Variants in DPP10 observed in about 807,000 individuals in gnomAD.
DPP10 encodes the protein dipeptidyl peptidase like 10, also known as inactive dipeptidyl peptidase 10.
Under a neutral mutation model 120.9 loss-of-function variants are expected in DPP10, and 33 were observed. The ratio of observed to expected loss-of-function variants is 0.27; its 90% CI spans 0.21 to 0.37. The LOEUF is 0.37. DPP10 is among the 10% of genes least tolerant of loss of function. The probability of loss-of-function intolerance (pLI) is 1.00; values close to 1 mark genes in which losing one functional copy is unlikely to be tolerated. For synonymous variants in DPP10, 337 were observed against 326.1 expected (o/e 1.03, Z -0.36); for missense variants, 816 against 942.8 (o/e 0.87, Z 1.76).
chr2:115,768,976 G>A (rs1188768772), intron 13 of DPP10, among the ~76,000 whole-genome samples: 1 of 151,494 alleles, frequency 6.6e-6, no homozygotes, highest in East Asian at 1.9e-4. Context: ...ATAAAAAGAG[G>A]GGAAAGGTTA....
chr2:115,331,441 C>T (rs988792541), intron 2 of DPP10, among the ~76,000 whole-genome samples: 24 of 152,152 alleles, frequency 1.6e-4, no homozygotes, highest in Non-Finnish European at 2.4e-4. Context: ...TTGCCCTGGC[C>T]AGAACTTCCA....
At chr2:114,467,718 G>A (rs1679524946) in intron 1 of DPP10, among the ~76,000 whole-genome samples, 1 of 152,092 alleles carries the variant, frequency 6.6e-6, no homozygotes, top group South Asian at 2.1e-4. Context: ...ACTAGCTCCT[G>A]GCCAGGCACG....
chr2:115,776,252 T>C (rs1045250316), intron 13 of DPP10, among the ~76,000 whole-genome samples: 1 of 152,006 alleles, frequency 6.6e-6, no homozygotes, highest in Admixed American at 6.6e-5. Context: ...GCTGCACCCA[T>C]CAACCCGTCA....
intron 21 of DPP10, 54 bp from the exon 22 acceptor site, chr2:115,836,087 TTGTGTGTGTGTATGTG>T (rs1206375847): frequency 6.3e-6 from 5 of 796,882 alleles, no homozygotes; most frequent in Admixed American, 4.4e-5. Context: ...ATATATAAAT[TTGTGTGTGTGTATGTG>T]TGTGTGTGTG....
chr2:115,070,333 A>T (rs764791598), intron 1 of DPP10, among the ~76,000 whole-genome samples: 205 of 151,924 alleles, frequency 1.3e-3, no homozygotes, highest in Admixed American at 3.0e-3. Context: ...TGTAATTTTT[A>T]AATAAAACTA....
intron 3 of DPP10, among the ~76,000 whole-genome samples, chr2:115,496,766 G>A (rs535404582): frequency 1.4e-4 from 22 of 152,086 alleles, no homozygotes; most frequent in Non-Finnish European, 2.6e-4. Context: ...TCACTGAGAC[G>A]TTGGTATTGC....
intron 1 of DPP10, among the ~76,000 whole-genome samples, chr2:115,015,883 A>T (rs1213176886): frequency 1.3e-5 from 2 of 152,212 alleles, no homozygotes; most frequent in South Asian, 2.1e-4. Context: ...TTCCATGCTC[A>T]TGGATAGGAA....
chr2:115,738,394 G>A (rs1390625766), intron 8 of DPP10, among the ~76,000 whole-genome samples: 1 of 152,014 alleles, frequency 6.6e-6, no homozygotes, highest in Non-Finnish European at 1.5e-5. Flanking sequence ...ATGCGAACTT[G>A]TTTCCTAATC....
intron 1 of DPP10, among the ~76,000 whole-genome samples, chr2:114,978,342 C>A (rs1474389037): frequency 6.6e-6 from 1 of 152,064 alleles, no homozygotes; most frequent in Non-Finnish European, 1.5e-5. Flanking sequence ...TTCAGTAGGT[C>A]GGGGAAATGA....
At chr2:114,579,736 G>A (rs970802424) in intron 1 of DPP10, among the ~76,000 whole-genome samples, 6 of 152,176 alleles carry the variant, frequency 3.9e-5, no homozygotes, top group South Asian at 2.1e-4. Context: ...ATCAACACAA[G>A]TCAGGAAAGC....
At chr2:114,519,711 A>G (rs1642554855) in intron 1 of DPP10, among the ~76,000 whole-genome samples, 1 of 152,182 alleles carries the variant, frequency 6.6e-6, no homozygotes, top group African/African-American at 2.4e-5. Flanking sequence ...TTCTTCTCAG[A>G]TTCATAGCAT....
At chr2:115,027,913 GTC>G (rs1373467920) in intron 1 of DPP10, among the ~76,000 whole-genome samples, 2 of 151,930 alleles carry the variant, frequency 1.3e-5, no homozygotes, top group Non-Finnish European at 2.9e-5. Context: ...TTGTTCATAT[GTC>G]TCTAACGATT....
intron 1 of DPP10, among the ~76,000 whole-genome samples, chr2:114,508,240 C>T (rs533477818): frequency 3.3e-5 from 5 of 152,280 alleles, no homozygotes; most frequent in African/African-American, 7.2e-5. Flanking sequence ...TCCTCATGTC[C>T]TTTTGCAATC....
chr2:115,341,152 A>C (rs1484448815), intron 2 of DPP10, among the ~76,000 whole-genome samples: 1 of 152,124 alleles, frequency 6.6e-6, no homozygotes. Context: ...TTCGCTTGTG[A>C]AACAAAAAGC....
At chr2:115,561,210 T>C (rs1175247796) in intron 5 of DPP10, among the ~76,000 whole-genome samples, 1 of 151,512 alleles carries the variant, frequency 6.6e-6, no homozygotes, top group Non-Finnish European at 1.5e-5. Context: ...AAACAAAAAA[T>C]TAGCCGGGCT....
intron 1 of DPP10, among the ~76,000 whole-genome samples, chr2:115,210,661 C>T (rs943823266): frequency 2.6e-5 from 4 of 152,126 alleles, no homozygotes; most frequent in African/African-American, 9.7e-5. Context: ...CCTATTTCTC[C>T]ATATCCCCTC....
At chr2:114,967,042 C>T (rs760738623) in intron 1 of DPP10, among the ~76,000 whole-genome samples, 10 of 151,188 alleles carry the variant, frequency 6.6e-5, no homozygotes, top group Non-Finnish European at 1.2e-4. Context: ...AACTCGGTCC[C>T]AAAAAAACAA....
intron 3 of DPP10, among the ~76,000 whole-genome samples, chr2:115,408,756 A>G: frequency 6.6e-6 from 1 of 152,206 alleles, no homozygotes; most frequent in East Asian, 1.9e-4. Context: ...TATTAAAAAA[A>G]TCATATGAAT....
chr2:115,698,985 A>T (rs909063673), intron 7 of DPP10, among the ~76,000 whole-genome samples: 2 of 148,540 alleles, frequency 1.3e-5, no homozygotes, highest in African/African-American at 4.9e-5. Flanking sequence ...TCTTCAAAAA[A>T]ATCAACTAAA....
Sources: gnomAD v4.1 joint callset for allele counts (sites outside exome capture counted in the v4.1 genomes callset) on GRCh38, gnomAD v4.1.1 for gene constraint, MANE v1.5 for transcripts, NCBI Gene and HGNC (gene_info 2026-07-23, HGNC 2026-07-21) for gene names.